Variants in CHL1 observed in about 807,000 individuals in gnomAD.
The protein encoded by CHL1 is neural cell adhesion molecule L1-like protein.
CHL1 carries 96 observed loss-of-function variants against 141.9 expected under a neutral mutation model. That is an observed-to-expected ratio of 0.68 (90% CI 0.57 to 0.80). CHL1 has a LOEUF of 0.80. Among genes scored for constraint, CHL1 ranks in the 30% least tolerant of loss-of-function variants. The pLI is 0.00. For missense variants in CHL1, 1,820 were observed against 1,457.2 expected (o/e 1.25, Z -4.05); for synonymous variants, 613 against 502.2 (o/e 1.22, Z -2.95).
chr3:337,456 T>A (rs113366789), intron 5 of CHL1, among the ~76,000 whole-genome samples: 1 of 152,040 alleles, frequency 6.6e-6, no homozygotes, highest in Non-Finnish European at 1.5e-5. Context: ...CATGCTGGTG[T>A]GCTGCACCCA....
At chr3:339,341 C>T (rs1702182931) in intron 5 of CHL1, among the ~76,000 whole-genome samples, 1 of 152,220 alleles carries the variant, frequency 6.6e-6, no homozygotes, top group African/African-American at 2.4e-5. Flanking sequence ...GATGTTTTAT[C>T]TACAAGCTCT....
intron 24 of CHL1, among the ~76,000 whole-genome samples, chr3:395,891 A>T (rs1435600765): frequency 6.6e-6 from 1 of 152,210 alleles, no homozygotes; most frequent in East Asian, 1.9e-4. Flanking sequence ...GCAGTTGCCT[A>T]TTATTTATTG....
chr3:360,575 CT>C, intron 12 of CHL1, 151 bp downstream of exon 12: 1 of 716,746 alleles, frequency 1.4e-6, no homozygotes, highest in Non-Finnish European at 2.2e-6. Context: ...AGACTTCACA[CT>C]GAAATTGTAC....
At chr3:223,525 T>G (rs1701051573) in intron 1 of CHL1, among the ~76,000 whole-genome samples, 1 of 152,194 alleles carries the variant, frequency 6.6e-6, no homozygotes, top group Non-Finnish European at 1.5e-5. Flanking sequence ...AATAAATTAT[T>G]ATTTTGGCAT....
chr3:244,469 T>C (rs539506955), intron 1 of CHL1, 144 bp from the exon 2 acceptor site: 1 of 152,300 alleles, frequency 6.6e-6, no homozygotes, highest in East Asian at 1.9e-4. Context: ...TACTATAGCT[T>C]AGGTATTTGA....
intron 5 of CHL1, among the ~76,000 whole-genome samples, chr3:333,677 G>A (rs550959342): frequency 8.5e-5 from 13 of 152,162 alleles, no homozygotes; most frequent in African/African-American, 3.1e-4. Flanking sequence ...TAGTAATTTG[G>A]GATTTAACAG....
At chr3:355,473 C>T (rs772762298) in intron 11 of CHL1, among the ~76,000 whole-genome samples, 4 of 152,214 alleles carry the variant, frequency 2.6e-5, no homozygotes, top group Non-Finnish European at 5.9e-5. Context: ...CCCAAATCTT[C>T]CACTGGAACC....
chr3:261,502 T>A (rs34280780), intron 2 of CHL1, among the ~76,000 whole-genome samples: 2 of 152,076 alleles, frequency 1.3e-5, no homozygotes, highest in Non-Finnish European at 2.9e-5. Flanking sequence ...AATCATATTC[T>A]ATCTTTAAAT....
At chr3:324,125 A>G (rs1408947549) in intron 3 of CHL1, among the ~76,000 whole-genome samples, 2 of 150,454 alleles carry the variant, frequency 1.3e-5, no homozygotes, top group East Asian at 3.9e-4. Flanking sequence ...AGACTGCAAA[A>G]GAGTCCTGAG....
chr3:403,466 G>T (rs1709299237), intron 27 of CHL1, among the ~76,000 whole-genome samples: 1 of 152,114 alleles, frequency 6.6e-6, no homozygotes, highest in South Asian at 2.1e-4. Context: ...AGAATTTCTT[G>T]AACTCAGGAG....
chr3:366,738 G>T (rs1704948304), intron 15 of CHL1, among the ~76,000 whole-genome samples: 1 of 149,714 alleles, frequency 6.7e-6, no homozygotes. Context: ...CTGCATACTA[G>T]TCTTCTAGGT....
intron 2 of CHL1, among the ~76,000 whole-genome samples, chr3:299,598 AT>A (rs1362794763): frequency 6.6e-6 from 1 of 152,216 alleles, no homozygotes; most frequent in Non-Finnish European, 1.5e-5. Context: ...AGGATGTAAC[AT>A]CTTGATTTTA....
chr3:310,145 T>A (rs1369823962), intron 2 of CHL1, among the ~76,000 whole-genome samples: 1 of 152,090 alleles, frequency 6.6e-6, no homozygotes, highest in East Asian at 1.9e-4. Context: ...AAGACAGTTT[T>A]AAAAATGAGC....
chr3:297,953 T>G (rs911732800), intron 2 of CHL1, among the ~76,000 whole-genome samples: 1 of 152,214 alleles, frequency 6.6e-6, no homozygotes, highest in African/African-American at 2.4e-5. Context: ...ACTCCATAGG[T>G]CTGGTACAGC....
chr3:280,866 T>C (rs1195950547), intron 2 of CHL1, among the ~76,000 whole-genome samples: 1 of 151,626 alleles, frequency 6.6e-6, no homozygotes, highest in African/African-American at 2.4e-5. Context: ...AGTGTCTTTG[T>C]TAAAACACGT....
At chr3:226,181 CAGCTAATTTTTTATATTTTT>C (rs1216771733) in intron 1 of CHL1, among the ~76,000 whole-genome samples, 1 of 149,872 alleles carries the variant, frequency 6.7e-6, no homozygotes, top group Non-Finnish European at 1.5e-5. Context: ...CCACTATGCC[CAGCTAATTTTTTATATTTTT>C]AGTAGAGACG....
intron 10 of CHL1, among the ~76,000 whole-genome samples, 156 bp downstream of exon 10, chr3:349,699 GCAGGTTTGT>G (rs1358545029): frequency 6.6e-6 from 1 of 152,144 alleles, no homozygotes; most frequent in Non-Finnish European, 1.5e-5. Flanking sequence ...CTTCAACTAA[GCAGGTTTGT>G]CATTTACGCC....
Position 270,033 on chromosome 3 carries a change from C to T in CHL1, c.-95+25341C>T, listed in dbSNP as rs576962471. 2.6e-5 allele frequency among the ~76,000 whole-genome samples: 4 copies of T among 152,240 alleles called. No homozygotes were observed. In the South Asian group the frequency reaches 6.2e-4, roughly 24 times the overall value. The stretch of plus-strand genomic sequence containing the variant: ...CCAGGCTAGAAGAGATGTGATAATT[C>T]CAAGGTGCTAAAGAGGAAGGGGGAA... On this transcript the variant is annotated intron_variant, in intron 2 of 27. Transcript: ENST00000256509.
intron 9 of CHL1, among the ~76,000 whole-genome samples, chr3:347,188 G>A (rs1019953): frequency 1 from 152,220 of 152,260 alleles, 76,090 homozygotes; most frequent in East Asian, 1. Context: ...TTGTAAATTC[G>A]TGGGTTTAAA....
Sources: allele counts gnomAD v4.1 joint callset (sites outside exome capture counted in the v4.1 genomes callset), GRCh38; gene constraint gnomAD v4.1.1; transcripts MANE v1.5; gene names NCBI Gene and HGNC (gene_info 2026-07-23, HGNC 2026-07-21).